NUP160: variants seen among roughly 807,000 people sequenced by gnomAD.
The protein encoded by NUP160 is nuclear pore complex protein Nup160.
Under a neutral mutation model 196.9 loss-of-function variants are expected in NUP160, and 94 were observed. The ratio of observed to expected loss-of-function variants is 0.48; its 90% CI spans 0.40 to 0.57. The LOEUF is 0.57. Among genes scored for constraint, NUP160 ranks in the 20% least tolerant of loss-of-function variants. NUP160 has a pLI of 0.00. For synonymous variants in NUP160, 605 were observed against 619.7 expected (o/e 0.98, Z 0.35); for missense variants, 1,638 against 1,748.3 (o/e 0.94, Z 1.13).
intron 6 of NUP160, 123 bp from the exon 7 acceptor site, chr11:47,835,932 C>T: frequency 2.5e-6 from 2 of 801,666 alleles, no homozygotes; most frequent in South Asian, 2.7e-5. Context: ...GCTAAAAGAC[C>T]TTACAGGTTT....
intron 10 of NUP160, among the ~76,000 whole-genome samples, chr11:47,818,701 T>C (rs984656420): frequency 6.6e-6 from 1 of 152,194 alleles, no homozygotes; most frequent in African/African-American, 2.4e-5. Flanking sequence ...TAACAGTCAT[T>C]CAAGTTTCCT....
At chr11:47,841,932 A>G (rs1479391059) in intron 2 of NUP160, among the ~76,000 whole-genome samples, 3 of 151,714 alleles carry the variant, frequency 2.0e-5, no homozygotes, top group African/African-American at 7.3e-5. Context: ...CAAGCCTCCC[A>G]AAGTGCTACC....
exon 3 of NUP160, chr11:47,840,392 G>C: frequency 6.2e-7 from 1 of 1,613,352 alleles, no homozygotes; most frequent in Non-Finnish European, 8.5e-7. Flanking sequence ...CTATACATCC[G>C]GGAGGGGTGT....
At chr11:47,839,574 G>A in intron 4 of NUP160, 1 of 440,734 alleles carries the variant, frequency 2.3e-6, no homozygotes, top group Non-Finnish European at 4.1e-6. Flanking sequence ...CCATCTCAGG[G>A]CAGACAATTA....
rs560734777 is a variant in NUP160 at position 47,814,533 on chromosome 11, T to A, written c.1686+946A>T. Among the ~76,000 whole-genome samples the A allele has an allele frequency of 1.2e-4, 17 of 143,300 alleles. No homozygotes were observed. In the South Asian group the frequency reaches 1.8e-3, roughly 15 times the overall value. The allele number at this position is 143,300 out of a possible 152,430, so 94.0% of individuals were successfully genotyped here. A position where few individuals can be genotyped will look rare whatever the true frequency, so the allele number is the denominator to read the frequency against. On this transcript the variant is annotated intron_variant, in intron 13 of 35. Transcript: ENST00000378460. ...TCTAGCCTGGGCGACAGAGCAAGACTGTCTCAAAAAAAAAAAAAAGATTGG... is the reference window on the plus strand; with the variant it reads ...TCTAGCCTGGGCGACAGAGCAAGACAGTCTCAAAAAAAAAAAAAAGATTGG...
chr11:47,813,425 C>T lies in NUP160; in HGVS notation c.1687-10G>A. On this transcript the variant is annotated splice_polypyrimidine_tract_variant and intron_variant, in intron 13 of 35. Coordinates refer to ENST00000378460, the Ensembl canonical transcript of NUP160. ...GGAAAGACAGGTACCCCTGGAAATA[C>T]AAATTTTCCAGTTACATTTTTGTCA... is the stretch of plus-strand genomic sequence containing the variant. 1 of 1,549,370 alleles carries T rather than the reference C, an allele frequency of 6.5e-7. No individual in the cohort carries two copies. The highest frequency in any genetic ancestry group is 1.4e-5 in the African/African-American group (1 of 73,588).
chr11:47,785,098 A>ATTATTTTTTTTTTTTTTTTTTTTTTTTT, intron 32 of NUP160, 35 bp from the exon 33 acceptor site: 1 of 1,137,368 alleles, frequency 8.8e-7, no homozygotes, highest in Non-Finnish European at 1.2e-6. Context: ...TGAGTTTCAG[A>ATTATTTTTTTTTTTTTTTTTTTTTTTTT]TTCTTAATAG....
At chr11:47,787,428 C>CTT (rs145162308) in intron 31 of NUP160, among the ~76,000 whole-genome samples, 145 of 130,054 alleles carry the variant, frequency 1.1e-3, no homozygotes, top group South Asian at 2.2e-3. Context: ...AATTCACAAA[C>CTT]TTTTTTTTTT....
chr11:47,798,129 T>C (rs189378508), intron 25 of NUP160, 39 bp downstream of exon 25: 4 of 1,551,940 alleles, frequency 2.6e-6, no homozygotes, highest in African/African-American at 1.4e-5. Flanking sequence ...TTAAACAGAG[T>C]TGGTAAATTG....
intron 11 of NUP160, among the ~76,000 whole-genome samples, chr11:47,816,926 G>A (rs1052479307): frequency 1.3e-5 from 2 of 151,396 alleles, no homozygotes; most frequent in African/African-American, 2.4e-5. Context: ...TTACAGGTGT[G>A]AGCCACTGCA....
intron 7 of NUP160, among the ~76,000 whole-genome samples, chr11:47,833,220 G>A (rs1291283033): frequency 6.6e-6 from 1 of 152,196 alleles, no homozygotes; most frequent in East Asian, 1.9e-4. Flanking sequence ...TTGGGAGGCT[G>A]AGGCGGGTGG....
exon 7 of NUP160, chr11:47,835,768 G>C (rs757020712): frequency 4.4e-6 from 7 of 1,601,130 alleles, no homozygotes; most frequent in Non-Finnish European, 6.0e-6. Flanking sequence ...TCTTCACAGG[G>C]ACATACTCCA....
chr11:47,785,451 A>G (rs2097664012), intron 32 of NUP160, among the ~76,000 whole-genome samples: 1 of 152,212 alleles, frequency 6.6e-6, no homozygotes, highest in Admixed American at 6.5e-5. Context: ...AACTTTAGAA[A>G]TTAACAACTG....
chr11:47,826,022 T>C (rs140509996), intron 7 of NUP160, among the ~76,000 whole-genome samples: 281 of 152,070 alleles, frequency 1.8e-3, no homozygotes, highest in Middle Eastern at 0.014. Flanking sequence ...GTGTATGAAA[T>C]ATGAAAAAAA....
chr11:47,791,995 TAAAAC>T lies in NUP160; in HGVS notation c.3451-10_3451-6del. ...GGATGCTCCAGGGCGATCATACTGATAAAACAAAACAAGCAATTTAACTGTGAAAA... is the reference window on the plus strand; with the variant it reads ...GGATGCTCCAGGGCGATCATACTGATAAAACAAGCAATTTAACTGTGAAAA... On this transcript the variant is annotated splice_polypyrimidine_tract_variant and splice_region_variant and intron_variant, in intron 28 of 35. Coordinates refer to ENST00000378460, the Ensembl canonical transcript of NUP160. 1 of 1,601,098 alleles carries T rather than the reference TAAAAC, an allele frequency of 6.2e-7. No individual in the cohort carries two copies. The highest frequency in any genetic ancestry group is 1.7e-5 in the Admixed American group (1 of 57,362).
At chr11:47,781,291 C>T (rs2097660675) in intron 34 of NUP160, among the ~76,000 whole-genome samples, 1 of 151,200 alleles carries the variant, frequency 6.6e-6, no homozygotes, top group South Asian at 2.1e-4. Flanking sequence ...CAGACAGGGT[C>T]TCACTCTGTC....
At position 47,786,504 on chromosome 11, in the gene NUP160, G is replaced by T. The variant is rs140499871; in HGVS notation, c.3797C>A (p.Ala1266Asp). 3.1e-6 allele frequency: 5 copies of T among 1,613,984 alleles called. No homozygotes were observed. Among genetic ancestry groups the T allele is most frequent in the Non-Finnish European group, 4.2e-6 (5 of 1,179,890 alleles). ...TGAGAGCTGATTGGCTGCTAGCCAG[G>T]CCCAGGCTTCTGCTTGTGCTGCCTC... The change falls in exon 32 of 36, where the codon GCC becomes GAC. Residue 1266 changes from alanine (A) to aspartate (D), a missense_variant. Transcript: ENST00000378460.
At chr11:47,833,462 G>GAA (rs61549262) in intron 7 of NUP160, among the ~76,000 whole-genome samples, 108 of 144,274 alleles carry the variant, frequency 7.5e-4, no homozygotes, top group South Asian at 8.8e-4. Context: ...CATCACAAAA[G>GAA]AAAAAAAAAA....
intron 23 of NUP160, among the ~76,000 whole-genome samples, chr11:47,798,899 C>T (rs558768326): frequency 9.3e-5 from 14 of 149,920 alleles, no homozygotes; most frequent in Admixed American, 6.7e-4. Context: ...GTGGCTCACA[C>T]CTGTCATTCT....
Sources: allele counts gnomAD v4.1 joint callset (sites outside exome capture counted in the v4.1 genomes callset), GRCh38; gene constraint gnomAD v4.1.1; transcripts MANE v1.5; gene names NCBI Gene and HGNC (gene_info 2026-07-23, HGNC 2026-07-21).